Variants in PCDH9 observed in about 807,000 individuals in gnomAD.
The protein encoded by PCDH9 is protocadherin-9.
In PCDH9, 24 loss-of-function variants were observed where a neutral mutation model predicts 70.6. The ratio of observed to expected loss-of-function variants is 0.34; its 90% CI spans 0.25 to 0.48. PCDH9 has a LOEUF of 0.48. Ranked by LOEUF, PCDH9 falls within the 20% of genes least tolerant of loss-of-function variation. The pLI, the probability that PCDH9 is intolerant of heterozygous loss-of-function variation, is 0.99. For missense variants in PCDH9, 1,281 were observed against 1,503.6 expected (o/e 0.85, Z 2.45); for synonymous variants, 562 against 558.5 (o/e 1.01, Z -0.09).
chr13:66,749,462 T>A (rs899462325), intron 3 of PCDH9, among the ~76,000 whole-genome samples: 1 of 152,142 alleles, frequency 6.6e-6, no homozygotes, highest in Non-Finnish European at 1.5e-5. Flanking sequence ...AGTAACTCTA[T>A]GACCTAAGCA....
At chr13:67,218,234 T>G (rs529875378) in intron 2 of PCDH9, 1 of 152,226 alleles carries the variant, frequency 6.6e-6, no homozygotes, top group South Asian at 2.1e-4. Context: ...GTGCCAGAGC[T>G]TCCCTGTCTG....
chr13:67,205,630 T>G (rs1363622611), intron 2 of PCDH9: 2 of 152,188 alleles, frequency 1.3e-5, no homozygotes, highest in East Asian at 3.9e-4. Context: ...ATGAAAGTGA[T>G]TCCATCATCC....
Position 66,782,424 on chromosome 13 carries a change from AG to A in PCDH9, c.3138+121079del, listed in dbSNP as rs1248282171. 3.9e-5 allele frequency among the ~76,000 whole-genome samples: 6 copies of A among 152,118 alleles called. No homozygotes were observed. The East Asian group carries it at 1.2e-3, about 29-fold the overall frequency. On this transcript the variant is annotated intron_variant, in intron 3 of 4. Coordinates refer to ENST00000377865, the MANE Select transcript of PCDH9 (RefSeq NM_203487.3). ...ATCAATCATGGTAATCTCTAGAACT[AG>A]GCGGCCCAATGTGGTAGTCACAACA...
At chr13:66,367,921 T>C (rs1956580551) in intron 4 of PCDH9, among the ~76,000 whole-genome samples, 1 of 152,176 alleles carries the variant, frequency 6.6e-6, no homozygotes, top group African/African-American at 2.4e-5. Flanking sequence ...TTAAACCTCT[T>C]TGTAAGCAAC....
chr13:66,792,073 A>C (rs1159555276), intron 3 of PCDH9, among the ~76,000 whole-genome samples: 5 of 152,200 alleles, frequency 3.3e-5, no homozygotes, highest in Admixed American at 2.6e-4. Flanking sequence ...CGAAATTCCA[A>C]GGGTATATTA....
At chr13:66,924,687 A>G (rs1382333605) in intron 2 of PCDH9, among the ~76,000 whole-genome samples, 4 of 151,906 alleles carry the variant, frequency 2.6e-5, no homozygotes, top group Admixed American at 6.6e-5. Context: ...CTATATATAC[A>G]TGAGCATAGC....
At chr13:67,096,885 T>G (rs1357518532) in intron 2 of PCDH9, among the ~76,000 whole-genome samples, 7 of 152,148 alleles carry the variant, frequency 4.6e-5, no homozygotes, top group Admixed American at 4.6e-4. Context: ...TATGTAAAAC[T>G]GAAAACATCA....
chr13:66,596,165 T>C (rs976625999), intron 4 of PCDH9, among the ~76,000 whole-genome samples: 1 of 151,628 alleles, frequency 6.6e-6, no homozygotes, highest in Non-Finnish European at 1.5e-5. Context: ...AAAAATTGTC[T>C]TCCATGTTCT....
At chr13:67,165,332 C>T (rs544683977) in intron 2 of PCDH9, among the ~76,000 whole-genome samples, 1 of 152,186 alleles carries the variant, frequency 6.6e-6, no homozygotes, top group Non-Finnish European at 1.5e-5. Context: ...CATTTATCCA[C>T]ATATTAATAA....
At chr13:67,120,839 A>C (rs1328429863) in intron 2 of PCDH9, among the ~76,000 whole-genome samples, 1 of 152,126 alleles carries the variant, frequency 6.6e-6, no homozygotes, top group Non-Finnish European at 1.5e-5. Flanking sequence ...GATGGAAAAC[A>C]TGTTGATTTT....
intron 3 of PCDH9, among the ~76,000 whole-genome samples, chr13:66,755,851 T>C (rs2079531506): frequency 6.6e-6 from 1 of 151,902 alleles, no homozygotes. Context: ...TGCAGAAAAA[T>C]ACTCCAGGAC....
chr13:66,892,430 G>A (rs920380100), intron 3 of PCDH9, among the ~76,000 whole-genome samples: 4 of 151,748 alleles, frequency 2.6e-5, no homozygotes, highest in African/African-American at 9.7e-5. Context: ...AAACTGGAGT[G>A]GCCTGACATC....
At chr13:67,154,096 C>T (rs191290319) in intron 2 of PCDH9, among the ~76,000 whole-genome samples, 2 of 152,218 alleles carry the variant, frequency 1.3e-5, no homozygotes, top group African/African-American at 2.4e-5. Context: ...AACTCTTCCT[C>T]CTATAAGACA....
At chr13:66,317,557 A>G (rs2138078425) in intron 4 of PCDH9, among the ~76,000 whole-genome samples, 1 of 152,294 alleles carries the variant, frequency 6.6e-6, no homozygotes, top group Non-Finnish European at 1.5e-5. Context: ...TAACCATCAG[A>G]GCTTTTAGTC....
At position 66,484,255 on chromosome 13, in the gene PCDH9, C is replaced by A. The variant is rs117545033; in HGVS notation, c.3340+146955G>T. Among the ~76,000 whole-genome samples, 667 of 152,166 alleles carry A rather than the reference C, an allele frequency of 4.4e-3. 28 individuals carry two copies. The East Asian group carries it at 0.084, about 19-fold the overall frequency. ...GTTAACACCAGCTGCCTATAGATGG[C>A]AAACTAAGAGAGCACCTTGAGACAC... On this transcript the variant is annotated intron_variant, in intron 4 of 4. Transcript: ENST00000377865.
chr13:66,623,266 A>G (rs555890880), intron 4 of PCDH9, among the ~76,000 whole-genome samples: 1 of 152,336 alleles, frequency 6.6e-6, no homozygotes, highest in South Asian at 2.1e-4. Flanking sequence ...TAAAGATAAG[A>G]TGAGTGTCCT....
chr13:67,169,510 T>C (rs2088217175), intron 2 of PCDH9, among the ~76,000 whole-genome samples: 1 of 152,224 alleles, frequency 6.6e-6, no homozygotes, highest in South Asian at 2.1e-4. Flanking sequence ...TTAGCTAGAA[T>C]CTTACAGCAG....
At chr13:66,519,906 C>G (rs978635214) in intron 4 of PCDH9, among the ~76,000 whole-genome samples, 1 of 152,168 alleles carries the variant, frequency 6.6e-6, no homozygotes, top group African/African-American at 2.4e-5. Flanking sequence ...AGAATCTACA[C>G]TTTTATATTT....
intron 4 of PCDH9, among the ~76,000 whole-genome samples, chr13:66,522,941 C>T (rs1393806604): frequency 6.6e-6 from 1 of 152,036 alleles, no homozygotes; most frequent in Non-Finnish European, 1.5e-5. Context: ...ATATCTTATT[C>T]TTATTTGTCT....
Sources: gnomAD v4.1 joint callset for allele counts (sites outside exome capture counted in the v4.1 genomes callset) on GRCh38, gnomAD v4.1.1 for gene constraint, MANE v1.5 for transcripts, NCBI Gene and HGNC (gene_info 2026-07-23, HGNC 2026-07-21) for gene names.